Variants in TRPM7 observed in about 807,000 individuals in gnomAD.
The protein encoded by TRPM7 is transient receptor potential cation channel subfamily M member 7.
In TRPM7, 134 loss-of-function variants were observed where a neutral mutation model predicts 229.7. The ratio of observed to expected loss-of-function variants is 0.58; its 90% CI spans 0.51 to 0.67. The LOEUF (loss-of-function observed/expected upper bound fraction) is 0.67, where lower values mean the gene tolerates loss of function less well. Among genes scored for constraint, TRPM7 ranks in the 30% least tolerant of loss-of-function variants. The probability of loss-of-function intolerance (pLI) is 0.00; values close to 1 mark genes in which losing one functional copy is unlikely to be tolerated. For synonymous variants in TRPM7, 699 were observed against 715.2 expected, an observed-to-expected ratio of 0.98 and a Z score of 0.36; for missense variants, 1,901 against 2,210.0, an observed-to-expected ratio of 0.86 and a Z score of 2.80.
At chr15:50,658,435 T>C (rs1269180333) in intron 2 of TRPM7, among the ~76,000 whole-genome samples, 2 of 151,848 alleles carry the variant, frequency 1.3e-5, no homozygotes, top group East Asian at 1.9e-4. Context: ...CTAGGGGTAG[T>C]GGTGCAGGCC....
At chr15:50,641,034 T>C (rs1460704563) in intron 5 of TRPM7, among the ~76,000 whole-genome samples, 2 of 152,224 alleles carry the variant, frequency 1.3e-5, no homozygotes, top group Non-Finnish European at 1.5e-5. Flanking sequence ...TCACTCAGTT[T>C]GATCTCCATA....
At chr15:50,641,255 A>G (rs2061093101) in intron 5 of TRPM7, among the ~76,000 whole-genome samples, 1 of 152,164 alleles carries the variant, frequency 6.6e-6, no homozygotes, top group African/African-American at 2.4e-5. Flanking sequence ...TGAACTGCCT[A>G]CTGCCTCTAC....
At chr15:50,579,568 A>G (rs1412184406) in intron 30 of TRPM7, among the ~76,000 whole-genome samples, 1 of 152,168 alleles carries the variant, frequency 6.6e-6, no homozygotes, top group Non-Finnish European at 1.5e-5. Flanking sequence ...TCTGCAAGAC[A>G]ATGTTCTGTT....
At chr15:50,661,990 G>A (rs1045097809) in intron 2 of TRPM7, among the ~76,000 whole-genome samples, 1 of 152,196 alleles carries the variant, frequency 6.6e-6, no homozygotes, top group Admixed American at 6.6e-5. Flanking sequence ...GGCCAAGGCA[G>A]GCAGATGACC....
At chr15:50,679,501 G>GTATATATATTATA (rs2062182702) in intron 1 of TRPM7, among the ~76,000 whole-genome samples, 3 of 84,638 alleles carry the variant, frequency 3.5e-5, no homozygotes, top group African/African-American at 1.3e-4. Context: ...ATATATATGT[G>GTATATATATTATA]TATATATATA....
intron 38 of TRPM7, among the ~76,000 whole-genome samples, chr15:50,569,435 C>CA (rs1372949543): frequency 2.6e-5 from 4 of 152,260 alleles, no homozygotes; most frequent in Non-Finnish European, 4.4e-5. Context: ...CAAGTAAAGG[C>CA]AAATACGTTA....
At position 50,586,392 on chromosome 15, in the gene TRPM7, C is replaced by T. The variant is rs1270927570; in HGVS notation, c.4486G>A (p.Ala1496Thr). Reference sequence around the variant, plus strand: ...CTATTCATATGGTCAAAATACTCACCTTGTTTTGAATGAACAGGAATGGAA... The same window carrying T: ...CTATTCATATGGTCAAAATACTCACTTTGTTTTGAATGAACAGGAATGGAA... ...RTSIPVHSKQAEKISRRPSTE... is the reference protein window; with the variant it reads ...RTSIPVHSKQTEKISRRPSTE... Residue 1496 changes from alanine (A) to threonine (T), a missense_variant and splice_region_variant, in exon 28 of 39, where the codon GCA becomes ACA. This residue lies in a region of TRPM7 where 533 missense variants were observed against 497.1 expected (regional missense o/e 1.07). Transcript: ENST00000646667. The T allele has an allele frequency of 6.3e-7, 1 of 1,589,312 alleles. No individual in the cohort carries two copies. Among genetic ancestry groups the T allele is most frequent in the South Asian group, 1.1e-5 (1 of 90,420 alleles).
intron 8 of TRPM7, among the ~76,000 whole-genome samples, chr15:50,633,892 C>T (rs1231705385): frequency 6.6e-6 from 1 of 152,120 alleles, no homozygotes; most frequent in African/African-American, 2.4e-5. Context: ...TTAATTTGTT[C>T]CAATAACATA....
chr15:50,627,782 G>A (rs1267294539), intron 11 of TRPM7, among the ~76,000 whole-genome samples: 6 of 152,166 alleles, frequency 3.9e-5, no homozygotes, highest in African/African-American at 1.4e-4. Context: ...ACACTAAAGA[G>A]TCTCATCTTA....
intron 3 of TRPM7, among the ~76,000 whole-genome samples, chr15:50,653,231 G>A (rs1189229116): frequency 6.6e-6 from 1 of 152,172 alleles, no homozygotes; most frequent in East Asian, 1.9e-4. Context: ...TGGGAGCATA[G>A]CTTGAGCCGA....
rs746834654 is a variant in TRPM7 at position 50,561,708 on chromosome 15, T to G, written c.5568A>C (p.Glu1856Asp). ...ACATCAGACGAACAGAATTAGTTGATTCTGATTCTTTGGTGGAATTTCCAG... is the reference window on the plus strand; with the variant it reads ...ACATCAGACGAACAGAATTAGTTGAGTCTGATTCTTTGGTGGAATTTCCAG... ...LQPGNSTKES[E>D]STNSVRLML Residue 1856 changes from glutamate (E) to aspartate (D), a missense_variant, in exon 39 of 39, where the codon GAA (glutamate) becomes GAC (aspartate). By Grantham distance (45) the Glu-to-Asp change is conservative. This residue lies in a region of TRPM7 where 257 missense variants were observed against 352.0 expected (regional missense o/e 0.73). Coordinates refer to ENST00000646667, the MANE Select transcript of TRPM7 (RefSeq NM_017672.6). 1 of 1,611,042 alleles carries G rather than the reference T, an allele frequency of 6.2e-7. No individual in the cohort carries two copies. Among genetic ancestry groups the G allele is most frequent in the Non-Finnish European group, 8.5e-7 (1 of 1,179,174 alleles).
Position 50,681,292 on chromosome 15 carries a change from C to CACAA in TRPM7, c.3+5238_3+5239insTTGT, listed in dbSNP as rs990565318. Among the ~76,000 whole-genome samples, 5 of 150,264 alleles carry CACAA rather than the reference C, an allele frequency of 3.3e-5. No individual in the cohort carries two copies. In the Admixed American group the frequency reaches 3.4e-4, roughly 10 times the overall value. ...ACACACACACACACACACACACACACAAAGCATTCAGAGCAATGGCCACAG... is the reference window on the plus strand; with the variant it reads ...ACACACACACACACACACACACACACACAAAAAGCATTCAGAGCAATGGCCACAG... On this transcript the variant is annotated intron_variant, in intron 1 of 38. Transcript: ENST00000646667.
At chr15:50,610,740 AATT>A (rs924327490) in intron 17 of TRPM7, among the ~76,000 whole-genome samples, 1 of 152,134 alleles carries the variant, frequency 6.6e-6, no homozygotes, top group Admixed American at 6.5e-5. Flanking sequence ...CAGATTATTA[AATT>A]AGTAGATAGG....
At chr15:50,610,822 C>CATAATCTCCA (rs1316078688) in intron 17 of TRPM7, among the ~76,000 whole-genome samples, 1 of 151,926 alleles carries the variant, frequency 6.6e-6, no homozygotes, top group Non-Finnish European at 1.5e-5. Flanking sequence ...TGCTAGGGGC[C>CATAATCTCCA]ATAATCTCCA....
chr15:50,686,242 T>A (rs145725038), intron 1 of TRPM7, among the ~76,000 whole-genome samples: 164 of 152,326 alleles, frequency 1.1e-3, no homozygotes, highest in African/African-American at 3.8e-3. Flanking sequence ...AGCCAGGTAG[T>A]CCCGGGCTCG....
rs142709370 is a variant in TRPM7, at chr15:50,624,564, C to A, written c.1306-264G>T. Among the ~76,000 whole-genome samples, 454 of 152,224 alleles carry A rather than the reference C, an allele frequency of 3.0e-3. 1 individual carries two copies. Among genetic ancestry groups the A allele is most frequent in the Non-Finnish European group, 5.7e-3 (386 of 67,970 alleles). On this transcript the variant is annotated intron_variant, in intron 11 of 38. Transcript: ENST00000646667. ...AATAAGTGTTACATGGGGGAAAAAA[C>A]AGAATCCATCATCAATTAAATCTTG... is the stretch of plus-strand genomic sequence containing the variant.
At chr15:50,680,018 G>A (rs911504408) in intron 1 of TRPM7, among the ~76,000 whole-genome samples, 19 of 152,014 alleles carry the variant, frequency 1.2e-4, no homozygotes, top group Non-Finnish European at 2.2e-4. Flanking sequence ...TGGATCACTT[G>A]AGGTCAGGAG....
intron 36 of TRPM7, among the ~76,000 whole-genome samples, chr15:50,573,535 T>G (rs2053988648): frequency 6.6e-6 from 1 of 152,198 alleles, no homozygotes; most frequent in Admixed American, 6.5e-5. Flanking sequence ...CATCCAAATT[T>G]CTGAATGAAA....
At chr15:50,629,639 T>C in intron 10 of TRPM7, among the ~76,000 whole-genome samples, 1 of 152,104 alleles carries the variant, frequency 6.6e-6, no homozygotes, top group Non-Finnish European at 1.5e-5. Flanking sequence ...TTCTAAGAGG[T>C]AGTCATCTTT....
Sources: allele counts gnomAD v4.1 joint callset (sites outside exome capture counted in the v4.1 genomes callset), GRCh38; gene constraint gnomAD v4.1.1; regional missense constraint gnomAD v4.1.1; transcripts MANE v1.5; gene names NCBI Gene and HGNC (gene_info 2026-07-23, HGNC 2026-07-21).